The following SELENOW variants were observed in gnomAD, a reference collection of about 807,000 sequenced individuals.
SELENOW encodes selenoprotein W, 1.
In SELENOW, 20 loss-of-function variants were observed where a neutral mutation model predicts 16.6. The ratio of observed to expected loss-of-function variants is 1.21; its 90% CI spans 0.85 to 1.76. The LOEUF (loss-of-function observed/expected upper bound fraction) is 1.76, where lower values mean the gene tolerates loss of function less well. Among genes scored for constraint, SELENOW ranks in the 40% most tolerant of loss-of-function variants. The probability of loss-of-function intolerance (pLI) is 0.00; values close to 1 mark genes in which losing one functional copy is unlikely to be tolerated. For missense variants in SELENOW, 124 were observed against 111.0 expected, an observed-to-expected ratio of 1.12 and a Z score of -0.53; for synonymous variants, 44 against 46.2, an observed-to-expected ratio of 0.95 and a Z score of 0.19.
chr19:47,780,667 C>A lies in SELENOW; in HGVS notation c.30-58C>A. On this transcript the variant is annotated intron_variant, in intron 1 of 5. Coordinates refer to ENST00000601048, the MANE Select transcript of SELENOW (RefSeq NM_003009.4). The stretch of plus-strand genomic sequence containing the variant: ...CCGCCTGTGTCTACCCTCCTCTCCC[C>A]GATCCCCCACTTCTCCCTCTCTCCC... 3 of 1,490,592 alleles carry A rather than the reference C, an allele frequency of 2.0e-6. No homozygotes were observed. In the South Asian group the frequency reaches 3.6e-5, roughly 18 times the overall value. 92.3% of individuals were successfully genotyped at this position (1,490,592 alleles called of 1,614,324 possible). A position where few individuals can be genotyped will look rare whatever the true frequency, so the allele number is the denominator to read the frequency against.
At chr19:47,778,887 G>C in intron 1 of SELENOW, 73 bp downstream of exon 1, 1 of 1,479,526 alleles carries the variant, frequency 6.8e-7, no homozygotes, top group African/African-American at 1.4e-5. Context: ...GGGTCAGGGA[G>C]CCCCGGGGAG....
chr19:47,781,486 G>A (rs1967476280), intron 5 of SELENOW, 98 bp downstream of exon 5: 3 of 714,198 alleles, frequency 4.2e-6, no homozygotes, highest in African/African-American at 3.5e-5. Flanking sequence ...GGGAGATGGG[G>A]GGGACATCAC....
chr19:47,778,777 C>A lies in SELENOW; in HGVS notation c.-9C>A, dbSNP rs759969682. ...GTCCGCTCCTCAGCGGATGTGGCAG[C>A]CCCGAGCCATGGCTCTCGCCGTCCG... On this transcript the variant is annotated 5_prime_UTR_variant, in exon 1 of 6. Transcript: ENST00000601048. 1 of 1,603,518 alleles carries A rather than the reference C, an allele frequency of 6.2e-7. No homozygotes were observed.
Position 47,783,899 on chromosome 19 carries a change from ATTCTT to A in SELENOW, c.*19-388_*19-384del, listed in dbSNP as rs1335877693. 3 of 151,598 alleles carry A rather than the reference ATTCTT, an allele frequency of 2.0e-5. No homozygotes were observed. In the East Asian group the frequency reaches 5.8e-4, roughly 29 times the overall value. The allele number at this position is 151,598 out of a possible 1,614,324, so 9.4% of individuals were successfully genotyped here. A position where few individuals can be genotyped will look rare whatever the true frequency, so the allele number is the denominator to read the frequency against. ...TGGGGTGCCACCATGCAGGCTTTGA[ATTCTT>A]TTTTTTTTTTGAGACAGAGTCTCGC... is the stretch of plus-strand genomic sequence containing the variant. On this transcript the variant is annotated intron_variant, in intron 5 of 5. Transcript: ENST00000601048.
At chr19:47,781,661 A>G in intron 5 of SELENOW, 1 of 507,964 alleles carries the variant, frequency 2.0e-6, no homozygotes, top group Non-Finnish European at 3.6e-6. Context: ...GACAGCTGAG[A>G]TGGTGATGGG....
In SELENOW at chr19:47,781,037, CT is replaced by C. The variant is rs527529608; in HGVS notation, c.109-70del. The stretch of plus-strand genomic sequence containing the variant: ...GCCCTTCACCCATGTTCTCATCCCC[CT>C]GGGAAGGGGAGGGTCTCCCCAAGAG... On this transcript the variant is annotated intron_variant, in intron 3 of 5. Transcript: ENST00000601048. 213 of 1,559,600 alleles carry C rather than the reference CT, an allele frequency of 1.4e-4. No individual in the cohort carries two copies. In the African/African-American group the frequency reaches 2.7e-3, roughly 20 times the overall value.
At chr19:47,778,865 T>A in intron 1 of SELENOW, 51 bp downstream of exon 1, 1 of 1,532,030 alleles carries the variant, frequency 6.5e-7, no homozygotes, top group Non-Finnish European at 8.8e-7. Flanking sequence ...CGGGACCCGA[T>A]TCTCGGAGCC....
At chr19:47,781,244 G>A (rs1270316078) in intron 4 of SELENOW, 46 bp from the exon 5 acceptor site, 2 of 1,597,674 alleles carry the variant, frequency 1.3e-6, no homozygotes, top group Admixed American at 1.7e-5. Flanking sequence ...GCTGAGGTTG[G>A]TGTCTCGGTC....
intron 1 of SELENOW, 190 bp downstream of exon 1, chr19:47,779,004 T>TCGACTTGTGACACGCTGGG: frequency 3.5e-6 from 2 of 566,234 alleles, no homozygotes; most frequent in South Asian, 4.4e-5. Context: ...GGCCCCGTCT[T>TCGACTTGTGACACGCTGGG]CGACTTGTGA....
At chr19:47,779,114 T>A (rs1307231020) in intron 1 of SELENOW, 1 of 459,276 alleles carries the variant, frequency 2.2e-6, no homozygotes, top group Non-Finnish European at 3.9e-6. Flanking sequence ...GGGCTGGGGG[T>A]CAGCTTTGTA....
Position 47,784,443 on chromosome 19 carries a change from CTGTG to C in SELENOW, c.*176_*179del, listed in dbSNP as rs1006053806. The C allele has an allele frequency of 6.6e-6, 1 of 152,596 alleles. No individual in the cohort carries two copies. Among genetic ancestry groups the C allele is most frequent in the Non-Finnish European group, 1.5e-5 (1 of 68,078 alleles). The allele number at this position is 152,596 out of a possible 1,614,324, so 9.5% of individuals were successfully genotyped here. ...GGTCTTTGCCTCTGAGCGGGAGAGT[CTGTG>C]TGTATGTGTCTTCCCCGGAATCCAC... On this transcript the variant is annotated 3_prime_UTR_variant, in exon 6 of 6. Coordinates refer to ENST00000601048, the MANE Select transcript of SELENOW (RefSeq NM_003009.4).
intron 1 of SELENOW, chr19:47,780,431 T>TCCCCTTTTTCCCCTCCCC: frequency 2.0e-6 from 1 of 512,636 alleles, no homozygotes; most frequent in Non-Finnish European, 3.6e-6. Context: ...GTCTCCTCTC[T>TCCCCTTTTTCCCCTCCCC]CCCCTTTTTC....
At chr19:47,780,496 G>C (rs1967460621) in intron 1 of SELENOW, 2 of 578,490 alleles carry the variant, frequency 3.5e-6, no homozygotes, top group South Asian at 4.1e-5. Context: ...GTCTCTGTGT[G>C]TCCCCGCGCC....
chr19:47,784,655 G>A lies in SELENOW; in HGVS notation c.*384G>A, dbSNP rs1967512798. 1.3e-5 allele frequency: 2 copies of A among 152,174 alleles called. No homozygotes were observed. 9.4% of individuals were successfully genotyped at this position (152,174 alleles called of 1,614,324 possible). A position where few individuals can be genotyped will look rare whatever the true frequency, so the allele number is the denominator to read the frequency against. ...TGTGGCAACGTTTGCAACCGTTCACGATTCAATAAATATTGGATGAATTTA... is the reference window on the plus strand; with the variant it reads ...TGTGGCAACGTTTGCAACCGTTCACAATTCAATAAATATTGGATGAATTTA... On this transcript the variant is annotated 3_prime_UTR_variant, in exon 6 of 6. Coordinates refer to ENST00000601048, the MANE Select transcript of SELENOW (RefSeq NM_003009.4).
rs145167405 is a variant in SELENOW at position 47,782,921 on chromosome 19, C to G, written c.*19-1369C>G. ...TCAGGAACAAAGAACTACTTTCCAG[C>G]ACCTTCTGAGTCTGATTTTCCAGTT... is the stretch of plus-strand genomic sequence containing the variant. On this transcript the variant is annotated intron_variant, in intron 5 of 5. Coordinates refer to ENST00000601048, the MANE Select transcript of SELENOW (RefSeq NM_003009.4). 1.7e-3 allele frequency: 259 copies of G among 152,398 alleles called. 1 individual carries two copies. The highest frequency in any genetic ancestry group is 6.0e-3 in the African/African-American group (249 of 41,580). 9.4% of individuals were successfully genotyped at this position (152,398 alleles called of 1,614,324 possible).
intron 1 of SELENOW, chr19:47,779,143 C>G: frequency 2.8e-6 from 1 of 355,590 alleles, no homozygotes; most frequent in Non-Finnish European, 5.2e-6. Flanking sequence ...TAAGGCTCCT[C>G]CACCCTAAGG....
chr19:47,780,791 G>A (rs758596617), intron 2 of SELENOW, 42 bp downstream of exon 2: 9 of 1,593,150 alleles, frequency 5.6e-6, no homozygotes, highest in Non-Finnish European at 2.6e-6. Flanking sequence ...TGGGAGCTGG[G>A]GAGGGGTAGA....
At position 47,780,750 on chromosome 19, in the gene SELENOW, G is replaced by A; in HGVS notation, c.54+1G>A. The A allele has an allele frequency of 6.4e-6, 10 of 1,562,266 alleles. No homozygotes were observed. The East Asian group carries it at 2.4e-4, about 37-fold the overall frequency. Reference sequence around the variant, plus strand: ...TGGCGCTTGAGGCTACAAGTCCAAGGTAAGCAGAGTGGATGCCCGGGGGGC... The same window carrying A: ...TGGCGCTTGAGGCTACAAGTCCAAGATAAGCAGAGTGGATGCCCGGGGGGC... On this transcript the variant is annotated splice_donor_variant, in intron 2 of 5. Transcript: ENST00000601048. LOFTEE classifies it high-confidence loss of function.
At chr19:47,781,576 G>A in intron 5 of SELENOW, 188 bp downstream of exon 5, 1 of 601,624 alleles carries the variant, frequency 1.7e-6, no homozygotes, top group African/African-American at 1.8e-5. Flanking sequence ...GAGGTGTGCA[G>A]GGTGACAGCT....
Sources: gnomAD v4.1 joint callset for allele counts on GRCh38, gnomAD v4.1.1 for gene constraint, MANE v1.5 for transcripts, NCBI Gene and HGNC (gene_info 2026-07-23, HGNC 2026-07-21) for gene names.